Variants in PCLO observed in about 807,000 individuals in gnomAD.
PCLO encodes the protein piccolo presynaptic cytomatrix protein.
PCLO carries 82 observed loss-of-function variants against 427.5 expected under a neutral mutation model. That is an observed-to-expected ratio of 0.19 (90% CI 0.16 to 0.23). PCLO has a LOEUF of 0.23. PCLO is among the 10% of genes least tolerant of loss of function. The pLI, the probability that PCLO is intolerant of heterozygous loss-of-function variation, is 1.00. For synonymous variants in PCLO, 2,357 were observed against 2,155.4 expected, an observed-to-expected ratio of 1.09 and a Z score of -2.59; for missense variants, 6,239 against 6,115.9, an observed-to-expected ratio of 1.02 and a Z score of -0.67.
chr7:83,092,732 G>A (rs1225214965), intron 3 of PCLO, among the ~76,000 whole-genome samples: 1 of 152,016 alleles, frequency 6.6e-6, no homozygotes, highest in Non-Finnish European at 1.5e-5. Context: ...GGGGGATCAT[G>A]AGGTCAGGAG....
rs955909710 is a variant in PCLO, at chr7:83,121,078, T to C, written c.3300+13172A>G. Among the ~76,000 whole-genome samples, 5 of 152,178 alleles carry C rather than the reference T, an allele frequency of 3.3e-5. No homozygotes were observed. In the East Asian group the frequency reaches 7.7e-4, roughly 24 times the overall value. ...GTGGGCAGATCACGAGGTCAGGAGATTGAGACCATCCTGGCTAACAAGGTG... is the reference window on the plus strand; with the variant it reads ...GTGGGCAGATCACGAGGTCAGGAGACTGAGACCATCCTGGCTAACAAGGTG... On this transcript the variant is annotated intron_variant, in intron 3 of 24. Transcript: ENST00000333891.
chr7:83,032,367 C>G (rs1441716094), intron 3 of PCLO, among the ~76,000 whole-genome samples: 1 of 151,702 alleles, frequency 6.6e-6, no homozygotes, highest in Non-Finnish European at 1.5e-5. Flanking sequence ...CATTTTCATT[C>G]TCCATTCCCT....
chr7:82,848,318 T>G (rs1408567532), intron 10 of PCLO, among the ~76,000 whole-genome samples: 4 of 145,296 alleles, frequency 2.8e-5, no homozygotes, highest in African/African-American at 5.0e-5. Flanking sequence ...TTTTTTTTTT[T>G]TTTTTTTTTT....
chr7:82,850,368 G>A (rs1362070163), intron 10 of PCLO, among the ~76,000 whole-genome samples: 4 of 152,014 alleles, frequency 2.6e-5, no homozygotes, highest in African/African-American at 7.3e-5. Flanking sequence ...ATGTAGCATC[G>A]ATGATAGGAT....
At chr7:82,906,006 T>TAG (rs1554350000) in intron 8 of PCLO, among the ~76,000 whole-genome samples, 3 of 146,628 alleles carry the variant, frequency 2.0e-5, no homozygotes, top group Admixed American at 6.9e-5. Context: ...AGGTTAAGCA[T>TAG]ATAGATAGAT....
intron 3 of PCLO, among the ~76,000 whole-genome samples, chr7:82,987,925 C>G (rs1268252868): frequency 1.3e-5 from 2 of 152,014 alleles, no homozygotes; most frequent in African/African-American, 2.4e-5. Context: ...ATCTTACATG[C>G]TAATGGTAGC....
intron 24 of PCLO, among the ~76,000 whole-genome samples, chr7:82,759,967 G>A (rs1359841015): frequency 2.0e-5 from 3 of 151,986 alleles, no homozygotes; most frequent in Admixed American, 2.0e-4. Flanking sequence ...AATAAGGTAA[G>A]ATGAATTATA....
Position 82,954,013 on chromosome 7 carries a change from G to C in PCLO, c.6940C>G (p.Leu2314Val). The change falls in exon 5 of 25, where the codon CTG becomes GTG. Residue 2314 changes from leucine to valine, a missense_variant. By Grantham distance (32) the Leu-to-Val change is conservative. Coordinates refer to ENST00000333891, the MANE Select transcript of PCLO (RefSeq NM_033026.6). ...TCTCTGTAAGCTTCCAAAACTTCCAGAATGATTCCATTCCCAGTTTCCTTC... is the reference window on the plus strand; with the variant it reads ...TCTCTGTAAGCTTCCAAAACTTCCACAATGATTCCATTCCCAGTTTCCTTC... ...AKKETGNGII[L>V]EVLEAYRDKK... is the part of the protein sequence containing the mutation. 1 of 1,613,920 alleles carries C rather than the reference G, an allele frequency of 6.2e-7. No homozygotes were observed. The highest frequency in any genetic ancestry group is 8.5e-7 in the Non-Finnish European group (1 of 1,179,862).
intron 23 of PCLO, 36 bp downstream of exon 23, chr7:82,761,323 T>A: frequency 8.2e-7 from 1 of 1,223,402 alleles, no homozygotes; most frequent in East Asian, 2.6e-5. Context: ...CCTAAAAAAA[T>A]CTAGATATAT....
Position 82,955,718 on chromosome 7 carries a change from C to G in PCLO, c.5235G>C (p.Pro1745=). 1.2e-6 allele frequency: 2 copies of G among 1,613,836 alleles called. No homozygotes were observed. Among genetic ancestry groups the G allele is most frequent in the Non-Finnish European group, 1.7e-6 (2 of 1,179,842 alleles). Residue 1745 remains proline, a synonymous_variant, in exon 5 of 25, where the codon CCG becomes CCC. Transcript: ENST00000333891. ...SSLDEDSDSS[P]SHKKGESKQQ... is the part of the protein sequence containing the mutation. ...GTTTGCTCTCTCCTTTTTTGTGACT[C>G]GGGCTACTGTCACTGTCCTCATCAA... is the stretch of plus-strand genomic sequence containing the variant.
chr7:82,902,679 T>G lies in PCLO; in HGVS notation c.13500A>C (p.Thr4500=), dbSNP rs529372667. The part of the protein sequence containing the change: ...YIFPHARIKI[T]RDSKDHTVSG... Reference sequence around the variant, plus strand: ...AAACTGTGTGATCCTTTGAGTCTCTTGTTATTTTTATCCTTGCGTGAGGAA... The same window carrying G: ...AAACTGTGTGATCCTTTGAGTCTCTGGTTATTTTTATCCTTGCGTGAGGAA... Residue 4500 remains threonine, a synonymous_variant, in exon 9 of 25, where the codon ACA becomes ACC. Transcript: ENST00000333891. 1.3e-4 allele frequency: 207 copies of G among 1,597,456 alleles called. 2 individuals carry two copies. The South Asian group carries it at 1.4e-3, about 11-fold the overall frequency.
Position 82,966,506 on chromosome 7 carries a change from A to C in PCLO, c.3301-19T>G. The C allele has an allele frequency of 2.1e-6, 3 of 1,448,292 alleles. No homozygotes were observed. The highest frequency in any genetic ancestry group is 2.2e-5 in the Admixed American group (1 of 45,670). 89.7% of individuals were successfully genotyped at this position (1,448,292 alleles called of 1,614,324 possible). On this transcript the variant is annotated intron_variant, in intron 3 of 24. Coordinates refer to ENST00000333891, the MANE Select transcript of PCLO (RefSeq NM_033026.6). ...CTTGAATCTGTGGGAAAAAAATTAC[A>C]ATGAACAGATTGAATGTATTATAAT... is the stretch of plus-strand genomic sequence containing the variant.
At chr7:83,094,454 G>T (rs1033687160) in intron 3 of PCLO, among the ~76,000 whole-genome samples, 1 of 152,076 alleles carries the variant, frequency 6.6e-6, no homozygotes, top group African/African-American at 2.4e-5. Context: ...TGATCCGCCT[G>T]CCTCGGCCTC....
chr7:82,856,429 T>C (rs961557819), intron 10 of PCLO, among the ~76,000 whole-genome samples: 3 of 152,124 alleles, frequency 2.0e-5, no homozygotes, highest in Non-Finnish European at 4.4e-5. Context: ...TCCAGTCCAG[T>C]ATTTCCTTGA....
chr7:83,017,170 T>C (rs183676018), intron 3 of PCLO, among the ~76,000 whole-genome samples: 131 of 152,240 alleles, frequency 8.6e-4, no homozygotes, highest in South Asian at 1.7e-3. Context: ...GAAAAAATGC[T>C]TTAGATGAAT....
chr7:83,154,277 G>A (rs1444783029), intron 2 of PCLO, among the ~76,000 whole-genome samples: 5 of 152,124 alleles, frequency 3.3e-5, no homozygotes, highest in Admixed American at 3.3e-4. Flanking sequence ...ATTACTAGCA[G>A]GGAAAAGGGA....
rs1160803157 is a variant in PCLO at position 83,124,929 on chromosome 7, A to AT, written c.3300+9320dup. Among the ~76,000 whole-genome samples the AT allele has an allele frequency of 6.1e-4, 92 of 151,948 alleles. 1 individual carries two copies. Among genetic ancestry groups the AT allele is most frequent in the African/African-American group, 2.2e-3 (90 of 41,454 alleles). ...GCCGCCACGCCTGACTGGTTTTTGC[A>AT]TTTTTTGGTGGAGACGCGGTTTCGC... On this transcript the variant is annotated intron_variant, in intron 3 of 24. Transcript: ENST00000333891.
chr7:83,123,537 A>G (rs1342138396), intron 3 of PCLO, among the ~76,000 whole-genome samples: 1 of 152,176 alleles, frequency 6.6e-6, no homozygotes, highest in Non-Finnish European at 1.5e-5. Flanking sequence ...AGAAAGCATT[A>G]GGGAAACTCT....
At position 82,953,483 on chromosome 7, in the gene PCLO, T is replaced by C. The variant is rs778992813; in HGVS notation, c.7470A>G (p.Pro2490=). 6.2e-7 allele frequency: 1 copy of C among 1,613,512 alleles called. No homozygotes were observed. The highest frequency in any genetic ancestry group is 1.7e-5 in the Admixed American group (1 of 59,942). The part of the protein sequence containing the change: ...TTAPPPVPPK[P]SSIPSGLVFT... The stretch of plus-strand genomic sequence containing the variant: ...ATACAAGTCCAGATGGAATTGAAGA[T>C]GGCTTAGGAGGAACAGGAGGAGGTG... The change falls in exon 5 of 25, where the codon CCA becomes CCG. Residue 2490 remains proline, a synonymous_variant. Transcript: ENST00000333891.
Sources: gnomAD v4.1 joint callset for allele counts (sites outside exome capture counted in the v4.1 genomes callset) on GRCh38, gnomAD v4.1.1 for gene constraint, MANE v1.5 for transcripts, NCBI Gene and HGNC (gene_info 2026-07-23, HGNC 2026-07-21) for gene names.